Variants in XRN1 observed in about 807,000 individuals in gnomAD.
The protein encoded by XRN1 is strand-exchange protein 1 homolog.
XRN1 carries 67 observed loss-of-function variants against 222.3 expected under a neutral mutation model. The observed-to-expected ratio is 0.30, with a 90% CI of 0.25 to 0.37. The LOEUF (loss-of-function observed/expected upper bound fraction) is 0.37, where lower values mean the gene tolerates loss of function less well. Among genes scored for constraint, XRN1 ranks in the 10% least tolerant of loss-of-function variants. The probability of loss-of-function intolerance (pLI) is 1.00; values close to 1 mark genes in which losing one functional copy is unlikely to be tolerated. For missense variants in XRN1, 1,707 were observed against 2,000.2 expected (o/e 0.85, Z 2.80); for synonymous variants, 643 against 652.4 (o/e 0.99, Z 0.22).
chr3:142,425,494 C>T lies in XRN1; in HGVS notation c.451G>A (p.Val151Ile). ...TTGTCTGTGGAAATTTTCATATTTA[C>T]AAAATACTTCAGATGTTCATGTAAC... ...ARLHEHLKYF[V>I]NMKISTDKSW... The change falls in exon 4 of 41, where the codon GTA (valine) becomes ATA (isoleucine). Residue 151 changes from valine to isoleucine, a missense_variant. By Grantham distance (29) the Val-to-Ile change is conservative. Around this residue, in one of 2 missense-constraint regions of XRN1, gnomAD observed 1,234 missense variants for 1,518.2 expected, o/e 0.81. Transcript: ENST00000392981. 6 of 1,613,256 alleles carry T rather than the reference C, an allele frequency of 3.7e-6. No individual in the cohort carries two copies. Among genetic ancestry groups the T allele is most frequent in the Non-Finnish European group, 5.1e-6 (6 of 1,179,590 alleles).
rs775598729 is a variant in XRN1, at chr3:142,418,429, CA to C, written c.1346+74del. On this transcript the variant is annotated intron_variant, in intron 12 of 40. Coordinates refer to ENST00000392981, the MANE Select transcript of XRN1 (RefSeq NM_001282857.2). Reference sequence around the variant, plus strand: ...AATCCTTTTTCTCCCACTACTTCATCAAAATCATATTTTCTGAATAACTGCA... The same window carrying C: ...AATCCTTTTTCTCCCACTACTTCATCAAATCATATTTTCTGAATAACTGCA... The C allele has an allele frequency of 9.7e-6, 12 of 1,236,882 alleles. No homozygotes were observed. In the Admixed American group the frequency reaches 1.9e-4, roughly 19 times the overall value. The allele number at this position is 1,236,882 out of a possible 1,614,324, so 76.6% of individuals were successfully genotyped here.
At chr3:142,416,386 T>C (rs1406615591) in intron 13 of XRN1, among the ~76,000 whole-genome samples, 1 of 152,168 alleles carries the variant, frequency 6.6e-6, no homozygotes, top group Non-Finnish European at 1.5e-5. Context: ...TTTCACCATG[T>C]TGGCCAGGCT....
intron 19 of XRN1, among the ~76,000 whole-genome samples, chr3:142,398,863 T>C (rs1224806706): frequency 1.3e-5 from 2 of 152,092 alleles, no homozygotes; most frequent in Non-Finnish European, 2.9e-5. Context: ...GGAAAAAATA[T>C]TCTAAGATAT....
intron 1 of XRN1, among the ~76,000 whole-genome samples, chr3:142,445,973 G>A (rs745577371): frequency 6.6e-6 from 1 of 152,138 alleles, no homozygotes; most frequent in Non-Finnish European, 1.5e-5. Flanking sequence ...CTTCCTTCTC[G>A]CTTTTGCACA....
intron 25 of XRN1, among the ~76,000 whole-genome samples, chr3:142,374,399 C>A (rs1237017524): frequency 6.6e-6 from 1 of 152,038 alleles, no homozygotes; most frequent in Non-Finnish European, 1.5e-5. Flanking sequence ...ACAGCTATGA[C>A]ACAGAATTTG....
At chr3:142,365,763 C>A (rs2066795133) in intron 27 of XRN1, among the ~76,000 whole-genome samples, 1 of 152,134 alleles carries the variant, frequency 6.6e-6, no homozygotes, top group Admixed American at 6.5e-5. Flanking sequence ...AGTAACCTTA[C>A]TTCTAACACA....
chr3:142,376,404 T>C, intron 24 of XRN1, 75 bp downstream of exon 24: 1 of 1,123,098 alleles, frequency 8.9e-7, no homozygotes, highest in Non-Finnish European at 1.3e-6. Context: ...AAATAAATAC[T>C]GAAATATTAA....
intron 39 of XRN1, chr3:142,313,235 A>C: frequency 6.5e-7 from 1 of 1,532,764 alleles, no homozygotes. Flanking sequence ...TGACAGGTAG[A>C]ATCTTTCTTT....
chr3:142,396,372 C>T (rs887775017), intron 20 of XRN1, among the ~76,000 whole-genome samples: 8 of 152,140 alleles, frequency 5.3e-5, no homozygotes, highest in Non-Finnish European at 7.4e-5. Flanking sequence ...AACAGATATG[C>T]TCTCTACTCT....
chr3:142,343,238 G>A (rs959390383), intron 33 of XRN1, among the ~76,000 whole-genome samples: 8 of 151,970 alleles, frequency 5.3e-5, no homozygotes, highest in Admixed American at 3.9e-4. Flanking sequence ...TGTGGATCAC[G>A]AGGTCAGGAG....
intron 24 of XRN1, 102 bp from the exon 25 acceptor site, chr3:142,376,046 T>C: frequency 2.1e-6 from 3 of 1,409,612 alleles, no homozygotes; most frequent in African/African-American, 1.5e-5. Context: ...TTGCTTTCAA[T>C]TCTTAGAAAA....
At chr3:142,438,039 C>T (rs767725544) in intron 1 of XRN1, among the ~76,000 whole-genome samples, 1 of 152,160 alleles carries the variant, frequency 6.6e-6, no homozygotes, top group African/African-American at 2.4e-5. Context: ...AAAAGACAGG[C>T]TACAACAAAT....
intron 37 of XRN1, 150 bp from the exon 38 acceptor site, chr3:142,319,053 G>C (rs1490812073): frequency 4.6e-6 from 3 of 652,338 alleles, no homozygotes; most frequent in East Asian, 2.7e-5. Context: ...AAAAATTTTC[G>C]AGTTGTTGCC....
At chr3:142,331,486 A>G (rs534124671) in intron 36 of XRN1, among the ~76,000 whole-genome samples, 1 of 152,296 alleles carries the variant, frequency 6.6e-6, no homozygotes, top group East Asian at 1.9e-4. Flanking sequence ...TAGCACCTAC[A>G]ATGTGTTGGA....
intron 32 of XRN1, among the ~76,000 whole-genome samples, chr3:142,350,181 T>C (rs902617857): frequency 2.2e-4 from 33 of 152,174 alleles, no homozygotes; most frequent in African/African-American, 7.7e-4. Context: ...TGGAGCTGTA[T>C]ATATTCCAGA....
chr3:142,341,298 CA>C (rs1560305848), intron 33 of XRN1, among the ~76,000 whole-genome samples: 1 of 151,534 alleles, frequency 6.6e-6, no homozygotes, highest in African/African-American at 2.4e-5. Context: ...AACAGATACA[CA>C]AAAAATAAAA....
chr3:142,369,614 C>G (rs1484612391), intron 27 of XRN1, among the ~76,000 whole-genome samples: 2 of 149,796 alleles, frequency 1.3e-5, no homozygotes, highest in Admixed American at 1.3e-4. Flanking sequence ...TGCCACTTCA[C>G]TCCAGCCTCG....
At chr3:142,416,662 G>A (rs539968539) in intron 13 of XRN1, among the ~76,000 whole-genome samples, 3 of 152,264 alleles carry the variant, frequency 2.0e-5, no homozygotes, top group Admixed American at 1.3e-4. Context: ...CTCTTATTAT[G>A]AGCCTTCTGT....
chr3:142,421,218 A>C (rs1483754174), intron 9 of XRN1, 65 bp from the exon 10 acceptor site: 1 of 1,406,266 alleles, frequency 7.1e-7, no homozygotes, highest in African/African-American at 1.5e-5. Context: ...TACAAATCAA[A>C]CTTAAAACAG....
Sources: allele counts gnomAD v4.1 joint callset (sites outside exome capture counted in the v4.1 genomes callset), GRCh38; gene constraint gnomAD v4.1.1; regional missense constraint gnomAD v4.1.1; transcripts MANE v1.5; gene names NCBI Gene and HGNC (gene_info 2026-07-23, HGNC 2026-07-21).